CDK18: variants seen among roughly 807,000 people sequenced by gnomAD.
CDK18 encodes cyclin dependent kinase 18, also known as cyclin-dependent kinase 18.
Under a neutral mutation model 62.0 loss-of-function variants are expected in CDK18, and 52 were observed. That is an observed-to-expected ratio of 0.84 (90% CI 0.67 to 1.06). The LOEUF (loss-of-function observed/expected upper bound fraction) is 1.06. Among genes scored for constraint, CDK18 ranks in the 50% least tolerant of loss-of-function variants. The pLI is 0.00. For missense variants in CDK18, 604 were observed against 619.9 expected (o/e 0.97, Z 0.27); for synonymous variants, 237 against 247.0 (o/e 0.96, Z 0.38).
At chr1:205,507,526 C>T (rs1037459049) in intron 1 of CDK18, among the ~76,000 whole-genome samples, 2 of 146,460 alleles carry the variant, frequency 1.4e-5, no homozygotes, top group Non-Finnish European at 3.0e-5. Flanking sequence ...TGTAGCTACT[C>T]GGGAGGCTGA....
chr1:205,524,263 A>T lies in CDK18; in HGVS notation c.305A>T (p.Asp102Val). The stretch of plus-strand genomic sequence containing the variant: ...AGCAAGAGGCTCTCTCTGCCCATGG[A>T]TATCCGCCTGCCCCAGGAATTCCTA... Reference protein sequence around the residue: ...DVSKRLSLPMDIRLPQEFLQK... With the variant: ...DVSKRLSLPMVIRLPQEFLQK... Residue 102 changes from aspartate to valine, a missense_variant, in exon 4 of 16, where the codon GAT becomes GTT. Asp to Val is a radical substitution (Grantham distance 152). Coordinates refer to ENST00000429964, the MANE Select transcript of CDK18 (RefSeq NM_212502.3). 6.2e-7 allele frequency: 1 copy of T among 1,614,132 alleles called. No individual in the cohort carries two copies. Among genetic ancestry groups the T allele is most frequent in the Non-Finnish European group, 8.5e-7 (1 of 1,180,016 alleles).
In CDK18 at chr1:205,528,154, C is replaced by A. The variant is rs771927383; in HGVS notation, c.960C>A (p.Thr320=). 7 of 1,613,580 alleles carry A rather than the reference C, an allele frequency of 4.3e-6. No individual in the cohort carries two copies. Among genetic ancestry groups the A allele is most frequent in the Non-Finnish European group, 5.9e-6 (7 of 1,179,972 alleles). The change falls in exon 10 of 16, where the codon ACC becomes ACA. Residue 320 remains threonine, a synonymous_variant. Coordinates refer to ENST00000429964, the MANE Select transcript of CDK18 (RefSeq NM_212502.3). This position sits in a 1 kb window ranked among gnomAD's most constrained non-coding sequence, Gnocchi z 4.2. ...DVLLGSTEYS[T]PIDMWGVGCI... ...TGCTGGGATCCACAGAGTACTCCAC[C>A]CCCATTGATATGTGGTGAGTGAGCA... is the stretch of plus-strand genomic sequence containing the variant.
chr1:205,514,432 A>G (rs557366824), intron 1 of CDK18, among the ~76,000 whole-genome samples: 14 of 152,258 alleles, frequency 9.2e-5, no homozygotes, highest in African/African-American at 3.4e-4. Flanking sequence ...GTGTGCCCAG[A>G]AAGAGGACAG....
intron 1 of CDK18, among the ~76,000 whole-genome samples, chr1:205,507,446 A>G (rs1321072243): frequency 2.0e-5 from 3 of 150,450 alleles, no homozygotes; most frequent in Admixed American, 6.7e-5. Flanking sequence ...CCTGGCTAAC[A>G]TGGTGAAACC....
chr1:205,513,030 A>C (rs1667642469), intron 1 of CDK18, among the ~76,000 whole-genome samples: 1 of 152,204 alleles, frequency 6.6e-6, no homozygotes, highest in South Asian at 2.1e-4. Context: ...GGGTGAACTC[A>C]ACACTCTTCT....
chr1:205,519,562 T>C (rs1323266805), intron 1 of CDK18, among the ~76,000 whole-genome samples: 2 of 151,762 alleles, frequency 1.3e-5, no homozygotes, highest in African/African-American at 4.9e-5. Flanking sequence ...GACAGCCACT[T>C]CCTCTCAGGC....
Position 205,504,782 on chromosome 1 carries a change from C to T in CDK18, c.-36C>T, listed in dbSNP as rs1193272772. 3 of 152,278 alleles carry T rather than the reference C, an allele frequency of 2.0e-5. No homozygotes were observed. In the East Asian group the frequency reaches 5.8e-4, roughly 29 times the overall value. The allele number at this position is 152,278 out of a possible 1,614,324, so 9.4% of individuals were successfully genotyped here. On this transcript the variant is annotated 5_prime_UTR_variant, in exon 1 of 16. Coordinates refer to ENST00000429964, the MANE Select transcript of CDK18 (RefSeq NM_212502.3). The stretch of plus-strand genomic sequence containing the variant: ...GGGAGGGAGCGGGCGCACCGCGGCC[C>T]CCAGGACACGCGCTGTGAGTCCCGC...
In CDK18 at chr1:205,517,387, A is replaced by G. The variant is rs1575056134; in HGVS notation, c.-21-5760A>G. ...TCTGCAGGGATGTTTGATGAAGTTT[A>G]TATGAGGACTCTTTTTGTCTGGGCA... On this transcript the variant is annotated intron_variant, in intron 1 of 15. Coordinates refer to ENST00000429964, the MANE Select transcript of CDK18 (RefSeq NM_212502.3). This position sits in a 1 kb window ranked among gnomAD's most constrained non-coding sequence, Gnocchi z 4.1. Among the ~76,000 whole-genome samples, 1 of 152,300 alleles carries G rather than the reference A, an allele frequency of 6.6e-6. No individual in the cohort carries two copies. Among genetic ancestry groups the G allele is most frequent in the Middle Eastern group, 3.4e-3 (1 of 294 alleles).
At chr1:205,504,851 A>AC (rs1667227370) in intron 1 of CDK18, 55 bp downstream of exon 1, 1 of 152,256 alleles carries the variant, frequency 6.6e-6, no homozygotes, top group South Asian at 2.1e-4. Context: ...AGGAGCGGGC[A>AC]CCGCGGCGCC....
At chr1:205,526,672 G>A (rs1432742071) in intron 7 of CDK18, 103 bp from the exon 8 acceptor site, 2 of 1,165,950 alleles carry the variant, frequency 1.7e-6, no homozygotes, top group African/African-American at 1.5e-5. Flanking sequence ...CCACTAGTGG[G>A]CGTGGGCCCT....
At chr1:205,526,564 C>T (rs956559682) in intron 7 of CDK18, 103 bp downstream of exon 7, 37 of 991,846 alleles carry the variant, frequency 3.7e-5, no homozygotes, top group Middle Eastern at 2.1e-4. Context: ...GGGATGAGGG[C>T]GACCCAGGCC....
At chr1:205,509,847 A>G (rs1667481501) in intron 1 of CDK18, among the ~76,000 whole-genome samples, 1 of 152,184 alleles carries the variant, frequency 6.6e-6, no homozygotes, top group Admixed American at 6.5e-5. Context: ...TGGGAGGCCG[A>G]GGTAGGTGGA....
chr1:205,519,790 T>TG (rs982244021), intron 1 of CDK18, among the ~76,000 whole-genome samples: 51 of 152,030 alleles, frequency 3.4e-4, no homozygotes, highest in African/African-American at 1.2e-3. Context: ...CTTGCAGAAA[T>TG]GGGGGGCCTC....
rs1002681894 is a variant in CDK18, at chr1:205,521,937, G to C, written c.-21-1210G>C. On this transcript the variant is annotated intron_variant, in intron 1 of 15. Coordinates refer to ENST00000429964, the MANE Select transcript of CDK18 (RefSeq NM_212502.3). ...TGGTGCATGGGTAACAGCTGGGAGC[G>C]GGTGCAGGGCGGCCCATCATAGGGC... is the stretch of plus-strand genomic sequence containing the variant. Among the ~76,000 whole-genome samples the C allele has an allele frequency of 2.0e-5, 3 of 152,228 alleles. No homozygotes were observed. The East Asian group carries it at 5.8e-4, about 29-fold the overall frequency.
chr1:205,530,743 A>G (rs1668698377), intron 15 of CDK18, 38 bp downstream of exon 15: 1 of 1,570,018 alleles, frequency 6.4e-7, no homozygotes, highest in African/African-American at 1.4e-5. Flanking sequence ...TCCCCTTGTT[A>G]GTGGAAGCCA....
chr1:205,529,205 G>A, intron 11 of CDK18, 109 bp downstream of exon 11: 1 of 1,342,620 alleles, frequency 7.4e-7, no homozygotes, highest in Non-Finnish European at 1.0e-6. Context: ...TCTCTCCCGG[G>A]CGGGGACCCC....
intron 5 of CDK18, among the ~76,000 whole-genome samples, chr1:205,525,401 G>A (rs1478687198): frequency 1.3e-5 from 2 of 152,166 alleles, no homozygotes; most frequent in Non-Finnish European, 2.9e-5. Context: ...GAAGGAGGGC[G>A]TGAGGATAGA....
At chr1:205,521,789 A>G (rs1486590521) in intron 1 of CDK18, among the ~76,000 whole-genome samples, 1 of 152,230 alleles carries the variant, frequency 6.6e-6, no homozygotes, top group East Asian at 1.9e-4. Context: ...CAAAGCCAAC[A>G]TGTTACTGAC....
intron 11 of CDK18, 108 bp downstream of exon 11, chr1:205,529,204 G>A: frequency 7.4e-7 from 1 of 1,346,422 alleles, no homozygotes. Context: ...CTCTCTCCCG[G>A]GCGGGGACCC....
Sources: gnomAD v4.1 joint callset for allele counts (sites outside exome capture counted in the v4.1 genomes callset) on GRCh38, gnomAD v4.1.1 for gene constraint, Gnocchi (gnomAD v3.1) non-coding constraint, MANE v1.5 for transcripts, NCBI Gene and HGNC (gene_info 2026-07-23, HGNC 2026-07-21) for gene names.